ENTREP2: variants seen among roughly 807,000 people sequenced by gnomAD.
ENTREP2 encodes protein ENTREP2.
the ENTREP2 span, among the ~76,000 whole-genome samples, chr15:29,479,375 T>C: frequency 6.6e-6 from 1 of 151,568 alleles, no homozygotes; most frequent in African/African-American, 2.4e-5. Context: ...GAACCAAGAG[T>C]GAATTAAACT....
At chr15:29,390,629 G>A in the ENTREP2 span, among the ~76,000 whole-genome samples, 2 of 152,120 alleles carry the variant, frequency 1.3e-5, no homozygotes, top group East Asian at 1.9e-4. Flanking sequence ...ACAGGCTGCC[G>A]GGAAATAATG....
the ENTREP2 span, among the ~76,000 whole-genome samples, chr15:29,420,205 G>A: frequency 2.0e-5 from 3 of 152,158 alleles, no homozygotes; most frequent in Non-Finnish European, 2.9e-5. Flanking sequence ...TGAGGGATTT[G>A]GGGGCTAATC....
the ENTREP2 span, among the ~76,000 whole-genome samples, chr15:29,551,749 C>G: frequency 6.6e-6 from 1 of 151,328 alleles, no homozygotes; most frequent in African/African-American, 2.4e-5. Flanking sequence ...TTAAAATACT[C>G]CTTCACCAAA....
At chr15:29,520,966 A>G in the ENTREP2 span, among the ~76,000 whole-genome samples, 7 of 152,338 alleles carry the variant, frequency 4.6e-5, no homozygotes, top group African/African-American at 1.7e-4. Context: ...AGGACTCAAT[A>G]TTATTATGAC....
At chr15:29,150,987 CATAG>C in the ENTREP2 span, among the ~76,000 whole-genome samples, 1 of 152,104 alleles carries the variant, frequency 6.6e-6, no homozygotes, top group Non-Finnish European at 1.5e-5. Context: ...CACGCGTGCG[CATAG>C]ATATTCCTAC....
chr15:29,496,581 C>T, the ENTREP2 span, among the ~76,000 whole-genome samples: 1 of 151,786 alleles, frequency 6.6e-6, no homozygotes, highest in Admixed American at 6.6e-5. Flanking sequence ...TGTGTTGAGG[C>T]ATATTATTTC....
At chr15:29,536,012 C>T in the ENTREP2 span, among the ~76,000 whole-genome samples, 1 of 152,172 alleles carries the variant, frequency 6.6e-6, no homozygotes, top group South Asian at 2.1e-4. Context: ...GTTCCCTCTT[C>T]CCTCGGACAG....
chr15:29,558,284 C>T, the ENTREP2 span, among the ~76,000 whole-genome samples: 7 of 152,212 alleles, frequency 4.6e-5, no homozygotes, highest in South Asian at 2.1e-4. Flanking sequence ...AGCCACCCCA[C>T]GGGAGAATGG....
At chr15:29,174,751 C>A in the ENTREP2 span, among the ~76,000 whole-genome samples, 1 of 150,544 alleles carries the variant, frequency 6.6e-6, no homozygotes, top group African/African-American at 2.5e-5. Context: ...ATACTGGGAA[C>A]TATAAAGCTT....
chr15:29,383,695 G>A, the ENTREP2 span, among the ~76,000 whole-genome samples: 3 of 152,060 alleles, frequency 2.0e-5, no homozygotes, highest in Admixed American at 6.5e-5. Context: ...CTCCACAGGG[G>A]GCAGAACCAG....
chr15:29,636,676 T>C, the ENTREP2 span, among the ~76,000 whole-genome samples: 1 of 152,200 alleles, frequency 6.6e-6, no homozygotes, highest in Non-Finnish European at 1.5e-5. Flanking sequence ...AACATAATTT[T>C]TTCTCTCTCA....
At chr15:29,318,983 A>G in the ENTREP2 span, among the ~76,000 whole-genome samples, 1 of 152,244 alleles carries the variant, frequency 6.6e-6, no homozygotes, top group South Asian at 2.1e-4. Context: ...AGTCATATGT[A>G]AAATTAAAAG....
chr15:29,415,006 A>G, the ENTREP2 span, among the ~76,000 whole-genome samples: 3 of 152,222 alleles, frequency 2.0e-5, no homozygotes, highest in Non-Finnish European at 4.4e-5. Context: ...TGAGGCAATA[A>G]TTAATAGCTT....
chr15:29,648,580 TGCA>T, the ENTREP2 span, among the ~76,000 whole-genome samples: 1 of 152,248 alleles, frequency 6.6e-6, no homozygotes, highest in Non-Finnish European at 1.5e-5. Context: ...CTAGAGAATC[TGCA>T]GCAAGTGTTG....
At chr15:29,351,136 T>C in the ENTREP2 span, among the ~76,000 whole-genome samples, 5 of 152,230 alleles carry the variant, frequency 3.3e-5, no homozygotes, top group Admixed American at 6.5e-5. Context: ...CTAGATGGCA[T>C]AGCCTACTAT....
chr15:29,507,800 G>A, the ENTREP2 span, among the ~76,000 whole-genome samples: 1 of 152,084 alleles, frequency 6.6e-6, no homozygotes, highest in South Asian at 2.1e-4. Flanking sequence ...GGAGAAAGTG[G>A]GAAAGATCTA....
chr15:29,556,759 G>T, the ENTREP2 span, among the ~76,000 whole-genome samples: 1 of 41,984 alleles, frequency 2.4e-5, no homozygotes. Flanking sequence ...GCCCCATGCA[G>T]GTGCCCCCCC....
chr15:29,420,855 A>T, the ENTREP2 span, among the ~76,000 whole-genome samples: 1 of 152,236 alleles, frequency 6.6e-6, no homozygotes, highest in African/African-American at 2.4e-5. Context: ...CCAGACCACA[A>T]TGCAGCAACA....
chr15:29,195,710 A>G, the ENTREP2 span, among the ~76,000 whole-genome samples: 1 of 152,026 alleles, frequency 6.6e-6, no homozygotes, highest in East Asian at 1.9e-4. Flanking sequence ...TTTTTAGTAG[A>G]GAGGGGGTTT....
Sources: gnomAD v4.1 joint callset for allele counts (sites outside exome capture counted in the v4.1 genomes callset) on GRCh38, gnomAD v4.1.1 for gene constraint, MANE v1.5 for transcripts, NCBI Gene and HGNC (gene_info 2026-07-23, HGNC 2026-07-21) for gene names.